Variants in SLC17A2 observed in about 807,000 individuals in gnomAD.
The protein encoded by SLC17A2 is solute carrier family 17 member 2, also known as sodium-dependent phosphate transport protein 3.
A neutral mutation model predicts 52.1 loss-of-function variants in SLC17A2; 38 were observed. That is an observed-to-expected ratio of 0.73 (90% CI 0.56 to 0.96). The LOEUF is 0.96. Ranked by LOEUF, SLC17A2 falls within the 40% of genes least tolerant of loss-of-function variation. The pLI, the probability that SLC17A2 is intolerant of heterozygous loss-of-function variation, is 0.00. For missense variants in SLC17A2, 508 were observed against 583.9 expected (o/e 0.87, Z 1.34); for synonymous variants, 226 against 211.9 (o/e 1.07, Z -0.58).
intron 2 of SLC17A2, 95 bp from the exon 3 acceptor site, chr6:25,924,001 A>G (rs1766660895): frequency 4.2e-6 from 4 of 955,484 alleles, no homozygotes; most frequent in Non-Finnish European, 6.4e-6. Flanking sequence ...ACTTTGGATG[A>G]CACATGAAGT....
At chr6:25,919,999 G>A (rs978001487) in intron 5 of SLC17A2, among the ~76,000 whole-genome samples, 6 of 152,162 alleles carry the variant, frequency 3.9e-5, no homozygotes, top group Admixed American at 3.3e-4. Flanking sequence ...AAGCATGAAG[G>A]AACACATTGA....
chr6:25,921,457 G>GA, intron 3 of SLC17A2, 45 bp from the exon 4 acceptor site: 1 of 1,392,562 alleles, frequency 7.2e-7, no homozygotes, highest in Non-Finnish European at 1.0e-6. Context: ...GTCCTATTAT[G>GA]AAAATCTACT....
At chr6:25,920,924 C>A in intron 5 of SLC17A2, 82 bp downstream of exon 5, 1 of 1,332,898 alleles carries the variant, frequency 7.5e-7, no homozygotes, top group Non-Finnish European at 1.1e-6. Context: ...CTCTCTCTTC[C>A]CCAAACCATT....
intron 5 of SLC17A2, 129 bp downstream of exon 5, chr6:25,920,877 G>T: frequency 1.3e-6 from 1 of 747,186 alleles, no homozygotes. Flanking sequence ...TGTGATGCAA[G>T]TGTCTTATAT....
intron 11 of SLC17A2, among the ~76,000 whole-genome samples, chr6:25,914,361 A>G (rs1462957980): frequency 6.6e-6 from 1 of 152,188 alleles, no homozygotes; most frequent in Non-Finnish European, 1.5e-5. Flanking sequence ...TGTCTTCTGC[A>G]CCGGAACAGC....
chr6:25,920,987 C>A lies in SLC17A2; in HGVS notation c.562+19G>T, dbSNP rs758310826. On this transcript the variant is annotated intron_variant, in intron 5 of 11. Transcript: ENST00000377850. ...GATGGAACAGATGACAAAGCTATGACCCATCTGTGCACACTTACCTGATCC... is the reference window on the plus strand; with the variant it reads ...GATGGAACAGATGACAAAGCTATGAACCATCTGTGCACACTTACCTGATCC... 2.5e-6 allele frequency: 4 copies of A among 1,605,640 alleles called. No homozygotes were observed. The East Asian group carries it at 8.9e-5, about 36-fold the overall frequency.
At chr6:25,923,622 C>T in intron 3 of SLC17A2, 73 bp downstream of exon 3, 1 of 1,161,374 alleles carries the variant, frequency 8.6e-7, no homozygotes, top group Non-Finnish European at 1.3e-6. Context: ...CCATACTCCA[C>T]AGAATCAAGA....
Position 25,915,149 on chromosome 6 carries a change from G to GTGTATATATATATATATATATATATATA in SLC17A2, c.1211+349_1211+350insTATATATATATATATATATATATATACA, listed in dbSNP as rs749697702. ...GCACAGGAGCTGGCTTATTGTGACT[G>GTGTATATATATATATATATATATATATA]TATATATATATATATATATATATAT... On this transcript the variant is annotated intron_variant, in intron 10 of 11. Coordinates refer to ENST00000377850, the MANE Select transcript of SLC17A2 (RefSeq NM_001286123.3). Among the ~76,000 whole-genome samples the GTGTATATATATATATATATATATATATA allele has an allele frequency of 9.2e-4, 53 of 57,896 alleles. 2 individuals are homozygous for GTGTATATATATATATATATATATATATA. The highest frequency in any genetic ancestry group is 3.2e-3 in the South Asian group (6 of 1,902). 38.0% of individuals were successfully genotyped at this position (57,896 alleles called of 152,430 possible). A position where few individuals can be genotyped will look rare whatever the true frequency, so the allele number is the denominator to read the frequency against.
At position 25,921,084 on chromosome 6, in the gene SLC17A2, A is replaced by G. The variant is rs1395202929; in HGVS notation, c.484T>C (p.Trp162Arg). Residue 162 changes from tryptophan (W) to arginine (R), a missense_variant, in exon 5 of 12, where the codon TGG (tryptophan) becomes CGG (arginine). Transcript: ENST00000377850. ...TVQGMAQGMA[W>R]TGQFTIWAKW... ...GCCCAAATAGTAAACTGACCTGTCC[A>G]TGCCATTCCCTGAAATGAAAATCAT... The G allele has an allele frequency of 1.2e-6, 2 of 1,614,196 alleles. No individual in the cohort carries two copies. The highest frequency in any genetic ancestry group is 1.7e-5 in the Admixed American group (1 of 60,034).
chr6:25,919,544 C>CA (rs1184366002), intron 5 of SLC17A2, among the ~76,000 whole-genome samples: 4 of 150,676 alleles, frequency 2.7e-5, no homozygotes, highest in African/African-American at 9.7e-5. Context: ...ACTAAAAATA[C>CA]AAAAAATTAG....
At chr6:25,928,594 A>G (rs1462091390) in intron 1 of SLC17A2, among the ~76,000 whole-genome samples, 2 of 152,046 alleles carry the variant, frequency 1.3e-5, no homozygotes, top group South Asian at 2.1e-4. Context: ...TTCGTTTCCT[A>G]TTTTCCTTTG....
chr6:25,919,699 C>CAA (rs766352177), intron 5 of SLC17A2, among the ~76,000 whole-genome samples: 1,101 of 31,108 alleles, frequency 0.035, 225 homozygotes, highest in East Asian at 0.14. Flanking sequence ...GACACCGTCT[C>CAA]AAAAAAAAAA....
chr6:25,913,378 AG>A lies in SLC17A2; in HGVS notation c.1375del (p.Leu459SerfsTer28). ...AVNMFGLVFYLTFGQAELQDW... is the reference protein window; with the variant it reads ...AVNMFGLVFYXTFGQAELQDW... Reference sequence around the variant, plus strand: ...TTGAAGTTCTGCTTGTCCAAACGTGAGGTAAAAGACCAGGCCAAACATGTTG... The same window carrying A: ...TTGAAGTTCTGCTTGTCCAAACGTGAGTAAAAGACCAGGCCAAACATGTTG... On this transcript the variant is annotated frameshift_variant, in exon 12 of 12. Transcript: ENST00000377850. LOFTEE classifies it high-confidence loss of function. 6.2e-7 allele frequency: 1 copy of A among 1,614,098 alleles called. No homozygotes were observed.
chr6:25,915,022 C>T (rs534751016), intron 10 of SLC17A2, among the ~76,000 whole-genome samples: 1 of 151,642 alleles, frequency 6.6e-6, no homozygotes, highest in Non-Finnish European at 1.5e-5. Flanking sequence ...CACCATTTAA[C>T]CTCCTTGTGC....
At chr6:25,917,758 G>A (rs923911718) in intron 6 of SLC17A2, among the ~76,000 whole-genome samples, 6 of 152,208 alleles carry the variant, frequency 3.9e-5, no homozygotes, top group African/African-American at 1.4e-4. Context: ...AACATTCTAT[G>A]TTAAAAGATT....
Position 25,918,482 on chromosome 6 carries a change from C to T in SLC17A2, c.649+5G>A. 2 of 1,603,834 alleles carry T rather than the reference C, an allele frequency of 1.2e-6. No homozygotes were observed. The highest frequency in any genetic ancestry group is 1.7e-6 in the Non-Finnish European group (2 of 1,170,856). On this transcript the variant is annotated splice_donor_5th_base_variant and intron_variant, in intron 6 of 11. Transcript: ENST00000377850. The stretch of plus-strand genomic sequence containing the variant: ...GGCGTTAGGATTTAAGAGAAAGTGA[C>T]TCACCAAAGATGTAGAAGATAAAAG...
At chr6:25,919,135 A>T (rs1417173655) in intron 5 of SLC17A2, among the ~76,000 whole-genome samples, 2 of 152,230 alleles carry the variant, frequency 1.3e-5, no homozygotes, top group Non-Finnish European at 2.9e-5. Context: ...CACACACACC[A>T]ATATGCATAA....
chr6:25,923,404 A>G (rs1272610446), intron 3 of SLC17A2, among the ~76,000 whole-genome samples: 2 of 152,220 alleles, frequency 1.3e-5, no homozygotes, highest in Non-Finnish European at 2.9e-5. Context: ...AGTAACCTAT[A>G]AGAATGTGCC....
At chr6:25,916,663 G>A in intron 8 of SLC17A2, 22 bp downstream of exon 8, 2 of 1,585,454 alleles carry the variant, frequency 1.3e-6, no homozygotes, top group Non-Finnish European at 1.7e-6. Context: ...CATTTTCGTA[G>A]AAGTATAGGA....
Sources: allele counts gnomAD v4.1 joint callset (sites outside exome capture counted in the v4.1 genomes callset), GRCh38; gene constraint gnomAD v4.1.1; transcripts MANE v1.5; gene names NCBI Gene and HGNC (gene_info 2026-07-23, HGNC 2026-07-21).